Variants in CFAP61 observed in about 807,000 individuals in gnomAD.
CFAP61 encodes the protein cilia- and flagella-associated protein 61.
CFAP61 carries 107 observed loss-of-function variants against 135.6 expected under a neutral mutation model. That is an observed-to-expected ratio of 0.79 (90% CI 0.67 to 0.93). The LOEUF is 0.93. Among genes scored for constraint, CFAP61 ranks in the 40% least tolerant of loss-of-function variants. The pLI, the probability that CFAP61 is intolerant of heterozygous loss-of-function variation, is 0.00. For synonymous variants in CFAP61, 575 were observed against 578.5 expected, an observed-to-expected ratio of 0.99 and a Z score of 0.09; for missense variants, 1,507 against 1,556.2, an observed-to-expected ratio of 0.97 and a Z score of 0.53.
intron 18 of CFAP61, among the ~76,000 whole-genome samples, chr20:20,229,057 G>A (rs775667664): frequency 2.0e-5 from 3 of 152,164 alleles, no homozygotes; most frequent in Non-Finnish European, 4.4e-5. Context: ...AACCCTTCAG[G>A]GAATATGGAG....
chr20:20,307,343 C>T (rs2056536003), intron 25 of CFAP61, among the ~76,000 whole-genome samples: 1 of 152,122 alleles, frequency 6.6e-6, no homozygotes, highest in Non-Finnish European at 1.5e-5. Flanking sequence ...AGATGTAATC[C>T]ATGATAAATC....
intron 8 of CFAP61, 60 bp downstream of exon 8, chr20:20,098,874 G>A (rs2047793962): frequency 1.0e-5 from 15 of 1,453,490 alleles, no homozygotes; most frequent in Middle Eastern, 1.9e-4. Flanking sequence ...TACACATTGC[G>A]CTCTTCGCTA....
At chr20:20,189,369 C>T (rs926220689) in intron 14 of CFAP61, among the ~76,000 whole-genome samples, 3 of 151,590 alleles carry the variant, frequency 2.0e-5, no homozygotes, top group African/African-American at 7.3e-5. Flanking sequence ...TCTAAGGAAC[C>T]TTGGGGGTCT....
chr20:20,139,046 A>G (rs1277706541), intron 8 of CFAP61, among the ~76,000 whole-genome samples: 1 of 152,220 alleles, frequency 6.6e-6, no homozygotes, highest in Non-Finnish European at 1.5e-5. Flanking sequence ...TTTTAGAATC[A>G]ATTTATTTCA....
intron 25 of CFAP61, among the ~76,000 whole-genome samples, chr20:20,337,556 G>A (rs1159807641): frequency 1.3e-3 from 3 of 2,316 alleles, no homozygotes; most frequent in African/African-American, 1.1e-3. Flanking sequence ...ATGGATGGAT[G>A]GATGGATGGA....
intron 17 of CFAP61, among the ~76,000 whole-genome samples, chr20:20,217,942 C>T (rs1428424902): frequency 6.6e-6 from 1 of 152,206 alleles, no homozygotes; most frequent in African/African-American, 2.4e-5. Context: ...GTGGGTGTGT[C>T]ATCCTTCCAA....
chr20:20,277,041 C>T, intron 21 of CFAP61, 125 bp from the exon 22 acceptor site: 1 of 698,972 alleles, frequency 1.4e-6, no homozygotes. Flanking sequence ...TGCTAGGTAA[C>T]ACCGCTGGCT....
chr20:20,195,631 C>G (rs144151636), intron 15 of CFAP61, among the ~76,000 whole-genome samples: 1 of 152,160 alleles, frequency 6.6e-6, no homozygotes, highest in East Asian at 1.9e-4. Flanking sequence ...CCTGATATTT[C>G]CTTTACATGG....
chr20:20,235,114 G>T (rs2049478368), intron 18 of CFAP61, among the ~76,000 whole-genome samples: 1 of 152,226 alleles, frequency 6.6e-6, no homozygotes, highest in Non-Finnish European at 1.5e-5. Flanking sequence ...GGAGCCGGAG[G>T]TGCTTCCCAC....
chr20:20,177,674 CG>C (rs1417418757), intron 13 of CFAP61, among the ~76,000 whole-genome samples: 1 of 150,342 alleles, frequency 6.7e-6, no homozygotes, highest in Non-Finnish European at 1.5e-5. Context: ...CTTGCCCTCA[CG>C]GGGGGCCTGC....
intron 6 of CFAP61, among the ~76,000 whole-genome samples, chr20:20,076,169 C>T (rs1036318010): frequency 5.3e-5 from 8 of 152,292 alleles, no homozygotes; most frequent in East Asian, 1.9e-4. Flanking sequence ...AAGCCTTGGG[C>T]GCTCCGTCCT....
intron 13 of CFAP61, among the ~76,000 whole-genome samples, chr20:20,177,641 AATG>A (rs2054734035): frequency 6.6e-6 from 1 of 151,350 alleles, no homozygotes; most frequent in Non-Finnish European, 1.5e-5. Flanking sequence ...GGGAAACAGA[AATG>A]ATGCAAACAG....
chr20:20,055,586 CT>C (rs2146528071), intron 1 of CFAP61, among the ~76,000 whole-genome samples: 1 of 152,266 alleles, frequency 6.6e-6, no homozygotes, highest in South Asian at 2.1e-4. Flanking sequence ...CGCTTTCTTT[CT>C]TCTTTTCTTG....
In CFAP61 at chr20:20,092,484, T is replaced by A. The variant is rs906884109; in HGVS notation, c.699+1508T>A. On this transcript the variant is annotated intron_variant, in intron 7 of 26. Transcript: ENST00000245957. The stretch of plus-strand genomic sequence containing the variant: ...TTGAAACTTGGAATGAAAAGTTCTC[T>A]TACTTGGATGACATGAGCAGTTTGA... 3.3e-5 allele frequency among the ~76,000 whole-genome samples: 5 copies of A among 152,242 alleles called. 1 individual carries two copies. Among genetic ancestry groups the A allele is most frequent in the African/African-American group, 7.2e-5 (3 of 41,472 alleles).
intron 2 of CFAP61, among the ~76,000 whole-genome samples, chr20:20,067,058 A>G (rs1233144502): frequency 1.3e-5 from 2 of 152,176 alleles, no homozygotes; most frequent in African/African-American, 2.4e-5. Flanking sequence ...ATACCACATT[A>G]AAATATTATA....
chr20:20,056,591 A>T (rs2044353345), intron 1 of CFAP61, 27 bp from the exon 2 acceptor site: 1 of 1,534,926 alleles, frequency 6.5e-7, no homozygotes, highest in African/African-American at 1.4e-5. Context: ...ATTATAACCA[A>T]ACTGGCTTAT....
chr20:20,300,822 T>C (rs2056032318), intron 25 of CFAP61, among the ~76,000 whole-genome samples: 2 of 152,046 alleles, frequency 1.3e-5, no homozygotes, highest in African/African-American at 4.8e-5. Context: ...GCCAGGCTGG[T>C]CTCGAATTAC....
At chr20:20,131,380 A>G (rs1376582869) in intron 8 of CFAP61, among the ~76,000 whole-genome samples, 1 of 152,146 alleles carries the variant, frequency 6.6e-6, no homozygotes, top group Non-Finnish European at 1.5e-5. Context: ...TTTTATATGA[A>G]TATATACATT....
At chr20:20,202,303 T>C (rs1333796780) in intron 17 of CFAP61, among the ~76,000 whole-genome samples, 1 of 152,228 alleles carries the variant, frequency 6.6e-6, no homozygotes, top group Non-Finnish European at 1.5e-5. Flanking sequence ...GCTCGTGCTA[T>C]TGTGCTTATT....
Sources: gnomAD v4.1 joint callset for allele counts (sites outside exome capture counted in the v4.1 genomes callset) on GRCh38, gnomAD v4.1.1 for gene constraint, MANE v1.5 for transcripts, NCBI Gene and HGNC (gene_info 2026-07-23, HGNC 2026-07-21) for gene names.